The following LIPJ variants were observed in gnomAD, a reference collection of about 807,000 sequenced individuals.
The protein encoded by LIPJ is lipase member J.
In LIPJ, 33 loss-of-function variants were observed where a neutral mutation model predicts 39.8. The ratio of observed to expected loss-of-function variants is 0.83; its 90% confidence interval spans 0.63 to 1.11. The LOEUF (loss-of-function observed/expected upper bound fraction) is 1.11. Ranked by LOEUF, LIPJ falls within the 50% of genes least tolerant of loss-of-function variation. The probability of loss-of-function intolerance (pLI) is 0.00; values close to 1 mark genes in which losing one functional copy is unlikely to be tolerated. For synonymous variants in LIPJ, 128 were observed against 139.2 expected (o/e 0.92, Z 0.57); for missense variants, 422 against 427.9 (o/e 0.99, Z 0.12).
At chr10:88,602,488 ATAATT>A (rs1415198946) in intron 8 of LIPJ, 83 bp from the exon 9 acceptor site, 2 of 791,678 alleles carry the variant, frequency 2.5e-6, no homozygotes, top group East Asian at 6.5e-5. Flanking sequence ...TTTTCTTGAA[ATAATT>A]TAGTTCAATA....
chr10:88,591,129 G>GA (rs1851066044), intron 3 of LIPJ, among the ~76,000 whole-genome samples: 1 of 136,450 alleles, frequency 7.3e-6, no homozygotes, highest in African/African-American at 2.7e-5. Flanking sequence ...TTTGAGGGTA[G>GA]GGGTTTGTTT....
chr10:88,583,322 C>T, upstream of LIPJ: 1 of 1,425,772 alleles, frequency 7.0e-7, no homozygotes, highest in Non-Finnish European at 9.1e-7. Flanking sequence ...GGGCCCTGAG[C>T]TTTCCTCCGG....
At chr10:88,591,159 T>G (rs575884687) in intron 3 of LIPJ, among the ~76,000 whole-genome samples, 35 of 151,906 alleles carry the variant, frequency 2.3e-4, no homozygotes, top group Non-Finnish European at 5.0e-4. Flanking sequence ...TTTATTTTAT[T>G]CTTTCAATCC....
chr10:88,614,400 C>A, the LIPJ span, among the ~76,000 whole-genome samples: 1 of 152,070 alleles, frequency 6.6e-6, no homozygotes, highest in Non-Finnish European at 1.5e-5. Context: ...CTACTTTGTA[C>A]CTCTGTTAAA....
At chr10:88,609,570 T>C (rs1383875725), downstream of LIPJ, among the ~76,000 whole-genome samples, 1 of 152,022 alleles carries the variant, frequency 6.6e-6, no homozygotes, top group African/African-American at 2.4e-5. Flanking sequence ...TTGCAGACAA[T>C]GGAAAGCTAA....
chr10:88,613,347 C>A, the LIPJ span, among the ~76,000 whole-genome samples: 1 of 151,950 alleles, frequency 6.6e-6, no homozygotes, highest in South Asian at 2.1e-4. Flanking sequence ...ATATGACTCC[C>A]AGTGCTTATG....
chr10:88,583,218 A>T (rs1850764708), upstream of LIPJ: 1 of 1,612,414 alleles, frequency 6.2e-7, no homozygotes, highest in East Asian at 2.2e-5. Context: ...ATCCGCGCTG[A>T]GTCTCTGCGG....
chr10:88,599,119 AT>A (rs1477075926), intron 8 of LIPJ, among the ~76,000 whole-genome samples: 2 of 150,932 alleles, frequency 1.3e-5, no homozygotes, highest in Non-Finnish European at 3.0e-5. Flanking sequence ...TCAGAACTTT[AT>A]TTTTGACAGT....
At chr10:88,584,544 A>T (rs1324459965), upstream of LIPJ, 2 of 152,220 alleles carry the variant, frequency 1.3e-5, no homozygotes, top group Non-Finnish European at 2.9e-5. Context: ...GCATGTGTTT[A>T]ATTTTTTATA....
chr10:88,588,045 A>C (rs1424045546), intron 2 of LIPJ, among the ~76,000 whole-genome samples: 2 of 152,020 alleles, frequency 1.3e-5, no homozygotes, highest in Non-Finnish European at 2.9e-5. Context: ...CTGGAGCTAA[A>C]TTTGTATTAG....
intron 6 of LIPJ, among the ~76,000 whole-genome samples, chr10:88,595,779 A>ATTTT (rs1851233717): frequency 6.6e-6 from 1 of 151,658 alleles, no homozygotes; most frequent in Non-Finnish European, 1.5e-5. Flanking sequence ...GCAAAGGGAA[A>ATTTT]AATGACTATT....
chr10:88,593,343 T>A (rs1032343061), intron 4 of LIPJ: 1 of 151,838 alleles, frequency 6.6e-6, no homozygotes, highest in African/African-American at 2.4e-5. Context: ...CATGGCAAGC[T>A]CTTGTTCCTC....
exon 5 of LIPJ, chr10:88,593,962 A>G (rs1342024582): frequency 6.2e-7 from 1 of 1,611,854 alleles, no homozygotes; most frequent in African/African-American, 1.3e-5. Flanking sequence ...GGGTTGTTGT[A>G]TACTTGCAAC....
At chr10:88,600,362 A>G (rs1358972772) in intron 8 of LIPJ, among the ~76,000 whole-genome samples, 1 of 152,166 alleles carries the variant, frequency 6.6e-6, no homozygotes, top group Non-Finnish European at 1.5e-5. Flanking sequence ...TTTGAGTTCA[A>G]TAATCCTGTC....
chr10:88,614,378 T>C, the LIPJ span, among the ~76,000 whole-genome samples: 1 of 152,268 alleles, frequency 6.6e-6, no homozygotes, highest in East Asian at 1.9e-4. Context: ...GGATTCATTG[T>C]ATTATTTTTC....
exon 5 of LIPJ, chr10:88,594,126 A>T: frequency 6.2e-7 from 1 of 1,610,592 alleles, no homozygotes; most frequent in East Asian, 2.2e-5. Flanking sequence ...ACGAGTTCCA[A>T]AGAATTCTGG....
intron 6 of LIPJ, among the ~76,000 whole-genome samples, chr10:88,595,368 G>A (rs1414221958): frequency 6.6e-6 from 1 of 151,636 alleles, no homozygotes; most frequent in Non-Finnish European, 1.5e-5. Flanking sequence ...CCACTTTGCA[G>A]GGAGAAAAAG....
rs538801432 is a variant in LIPJ, at chr10:88,599,694, C to T, written c.723+2758C>T. 7.5e-3 allele frequency among the ~76,000 whole-genome samples: 1,134 copies of T among 151,380 alleles called. 27 individuals carry two copies. In the South Asian group the frequency reaches 0.082, roughly 11 times the overall value. On this transcript the variant is annotated intron_variant, in intron 8 of 10. Transcript: ENST00000371939. ...TTATATATACATACATATATACACA[C>T]ACACACACACACACACATATATATA...
At chr10:88,583,869 A>T, upstream of LIPJ, 1 of 248,044 alleles carries the variant, frequency 4.0e-6, no homozygotes, top group Non-Finnish European at 6.4e-6. Context: ...CTCTTCAATA[A>T]GTTCTATGTC....
Sources: allele counts gnomAD v4.1 joint callset (sites outside exome capture counted in the v4.1 genomes callset), GRCh38; gene constraint gnomAD v4.1.1; transcripts MANE v1.5; gene names NCBI Gene and HGNC (gene_info 2026-07-23, HGNC 2026-07-21).